SLC2A13: variants seen among roughly 807,000 people sequenced by gnomAD.
SLC2A13 encodes solute carrier family 2 member 13.
SLC2A13 carries 32 observed loss-of-function variants against 64.4 expected under a neutral mutation model. That is an observed-to-expected ratio of 0.50 (90% CI 0.37 to 0.67). SLC2A13 has a LOEUF of 0.67. Among genes scored for constraint, SLC2A13 ranks in the 30% least tolerant of loss-of-function variants. The pLI is 0.00. For synonymous variants in SLC2A13, 338 were observed against 327.1 expected, an observed-to-expected ratio of 1.03 and a Z score of -0.36; for missense variants, 743 against 829.2, an observed-to-expected ratio of 0.90 and a Z score of 1.28.
At chr12:39,851,258 A>G (rs932300602) in intron 6 of SLC2A13, among the ~76,000 whole-genome samples, 2 of 152,170 alleles carry the variant, frequency 1.3e-5, no homozygotes, top group Admixed American at 6.6e-5. Flanking sequence ...TTTGTTTCCA[A>G]AATGGACAAA....
At chr12:39,878,818 GA>G (rs1438741591) in intron 4 of SLC2A13, among the ~76,000 whole-genome samples, 25 of 152,354 alleles carry the variant, frequency 1.6e-4, no homozygotes, top group Non-Finnish European at 2.9e-5. Flanking sequence ...TAACTAAAAG[GA>G]AGCCAGGTGC....
At position 39,824,273 on chromosome 12, in the gene SLC2A13, A is replaced by G. The variant is rs139235172; in HGVS notation, c.1445+5830T>C. Among the ~76,000 whole-genome samples, 303 of 152,280 alleles carry G rather than the reference A, an allele frequency of 2.0e-3. 1 individual carries two copies. Among genetic ancestry groups the G allele is most frequent in the Non-Finnish European group, 3.5e-3 (240 of 68,022 alleles). ...TTCCCCAGTGGCAATTTTTCTTCCA[A>G]TGTGGTCTGATTCACATCAAAGATG... On this transcript the variant is annotated intron_variant, in intron 7 of 9. Transcript: ENST00000280871.
At chr12:39,962,169 A>G (rs1565563839) in intron 3 of SLC2A13, among the ~76,000 whole-genome samples, 2 of 152,256 alleles carry the variant, frequency 1.3e-5, no homozygotes, top group East Asian at 1.9e-4. Flanking sequence ...TCAGCTCACT[A>G]TGGCCTCTGC....
At chr12:39,984,917 G>A (rs566053277) in intron 3 of SLC2A13, among the ~76,000 whole-genome samples, 2 of 152,150 alleles carry the variant, frequency 1.3e-5, no homozygotes, top group South Asian at 4.2e-4. Flanking sequence ...GCAATCTATG[G>A]GAGGCCACTG....
intron 4 of SLC2A13, among the ~76,000 whole-genome samples, chr12:39,893,790 C>A (rs1230378222): frequency 2.0e-5 from 3 of 152,172 alleles, no homozygotes; most frequent in Non-Finnish European, 4.4e-5. Context: ...AATACATTTT[C>A]TGCAATTTAC....
intron 3 of SLC2A13, among the ~76,000 whole-genome samples, chr12:39,996,333 A>T (rs1947229950): frequency 6.6e-6 from 1 of 152,176 alleles, no homozygotes; most frequent in Admixed American, 6.5e-5. Context: ...GCTGTTAAAG[A>T]CATTCAGTTT....
intron 4 of SLC2A13, among the ~76,000 whole-genome samples, chr12:39,926,496 T>C (rs1421286821): frequency 1.3e-5 from 2 of 152,254 alleles, no homozygotes; most frequent in African/African-American, 4.8e-5. Context: ...GACAGCGTAT[T>C]GTAAGCTGCT....
intron 4 of SLC2A13, among the ~76,000 whole-genome samples, chr12:39,898,003 A>T (rs1944972581): frequency 6.6e-6 from 1 of 152,160 alleles, no homozygotes; most frequent in Non-Finnish European, 1.5e-5. Context: ...AGATGTTATC[A>T]GTTATTATTA....
Position 40,022,835 on chromosome 12 carries a change from C to CA in SLC2A13, c.925+5465dup, listed in dbSNP as rs761069410. Among the ~76,000 whole-genome samples the CA allele has an allele frequency of 2.3e-3, 263 of 113,416 alleles. 1 individual carries two copies. The highest frequency in any genetic ancestry group is 0.021 in the East Asian group (85 of 4,018). The allele number at this position is 113,416 out of a possible 152,430, so 74.4% of individuals were successfully genotyped here. ...CCTGCATGACAGTACAAGACTGTCT[C>CA]AAAAAAAAAAAAAAGTTTTAATATG... On this transcript the variant is annotated intron_variant, in intron 3 of 9. Coordinates refer to ENST00000280871, the MANE Select transcript of SLC2A13 (RefSeq NM_052885.4).
chr12:40,059,752 A>C (rs1948387598), intron 1 of SLC2A13, among the ~76,000 whole-genome samples: 1 of 152,152 alleles, frequency 6.6e-6, no homozygotes, highest in African/African-American at 2.4e-5. Flanking sequence ...TCGGACAAAA[A>C]GGGTATGACC....
At chr12:39,895,683 CACAT>C (rs1336741313) in intron 4 of SLC2A13, among the ~76,000 whole-genome samples, 5 of 142,470 alleles carry the variant, frequency 3.5e-5, no homozygotes, top group African/African-American at 1.3e-4. Context: ...TATACGTACA[CACAT>C]ATGTATATGC....
intron 3 of SLC2A13, among the ~76,000 whole-genome samples, chr12:39,972,079 T>C (rs790871): frequency 3.8e-4 from 44 of 115,028 alleles, no homozygotes; most frequent in African/African-American, 6.3e-4. Context: ...ATATAGAATT[T>C]ATATTTATAT....
At chr12:39,889,814 G>C (rs1944559729) in intron 4 of SLC2A13, among the ~76,000 whole-genome samples, 4 of 152,076 alleles carry the variant, frequency 2.6e-5, no homozygotes, top group Admixed American at 2.6e-4. Context: ...ACAGGTGTGA[G>C]CCACCAGGCC....
intron 4 of SLC2A13, among the ~76,000 whole-genome samples, chr12:39,888,753 G>A (rs1944528088): frequency 1.3e-5 from 2 of 152,058 alleles, no homozygotes; most frequent in African/African-American, 4.8e-5. Context: ...TGAATATAGT[G>A]TTTTCCTCTA....
At chr12:40,022,412 C>T (rs1485168313) in intron 3 of SLC2A13, among the ~76,000 whole-genome samples, 1 of 152,206 alleles carries the variant, frequency 6.6e-6, no homozygotes, top group Non-Finnish European at 1.5e-5. Context: ...GTTGCTACTT[C>T]TCCTATATGA....
intron 6 of SLC2A13, among the ~76,000 whole-genome samples, chr12:39,844,015 T>C (rs996660825): frequency 2.0e-5 from 3 of 151,906 alleles, no homozygotes; most frequent in African/African-American, 7.2e-5. Context: ...CCAAAAAGGA[T>C]AAATAAAAAT....
intron 3 of SLC2A13, among the ~76,000 whole-genome samples, chr12:39,982,997 A>T (rs1211928859): frequency 1.4e-5 from 2 of 145,554 alleles, no homozygotes; most frequent in African/African-American, 2.5e-5. Flanking sequence ...TCAATGGAAC[A>T]GAACAGAGCC....
intron 7 of SLC2A13, among the ~76,000 whole-genome samples, chr12:39,776,936 G>A (rs1273396730): frequency 1.3e-5 from 2 of 151,972 alleles, no homozygotes; most frequent in East Asian, 3.8e-4. Context: ...ATTCCTATGG[G>A]TTTTTTCTTT....
At chr12:39,944,422 G>A (rs1021646298) in intron 4 of SLC2A13, among the ~76,000 whole-genome samples, 2 of 152,228 alleles carry the variant, frequency 1.3e-5, no homozygotes, top group East Asian at 3.8e-4. Flanking sequence ...TTGATGACCT[G>A]TCTAGTGCTG....
Sources: gnomAD v4.1 joint callset for allele counts (sites outside exome capture counted in the v4.1 genomes callset) on GRCh38, gnomAD v4.1.1 for gene constraint, MANE v1.5 for transcripts, NCBI Gene and HGNC (gene_info 2026-07-23, HGNC 2026-07-21) for gene names.